The following ZC3H12B variants were observed in gnomAD, a reference collection of about 807,000 sequenced individuals.
ZC3H12B encodes probable ribonuclease ZC3H12B.
In ZC3H12B, 7 loss-of-function variants were observed where a neutral mutation model predicts 43.9. The ratio of observed to expected loss-of-function variants is 0.16; its 90% CI spans 0.09 to 0.30. The LOEUF (loss-of-function observed/expected upper bound fraction) is 0.30. Ranked by LOEUF, ZC3H12B falls within the 10% of genes least tolerant of loss-of-function variation. The pLI is 1.00. For synonymous variants in ZC3H12B, 222 were observed against 241.7 expected, an observed-to-expected ratio of 0.92 and a Z score of 0.76; for missense variants, 475 against 670.2, an observed-to-expected ratio of 0.71 and a Z score of 3.22.
chrX:65,392,591 G>T (rs1286376576), intron 2 of ZC3H12B, among the ~76,000 whole-genome samples: 1 of 110,804 alleles, frequency 9.0e-6, no homozygotes, highest in Non-Finnish European at 1.9e-5. Flanking sequence ...TCTGGGAGGT[G>T]GGTGGTGCCC....
At chrX:65,471,946 G>A (rs768539779) in intron 3 of ZC3H12B, among the ~76,000 whole-genome samples, 2 of 111,500 alleles carry the variant, frequency 1.8e-5, no homozygotes, top group South Asian at 7.5e-4. Flanking sequence ...GTATCCTGGC[G>A]CATATCTATC....
chrX:65,407,206 A>C (rs1398299398), intron 3 of ZC3H12B, among the ~76,000 whole-genome samples: 1 of 112,761 alleles, frequency 8.9e-6, no homozygotes, highest in Non-Finnish European at 1.9e-5. Flanking sequence ...AAGGGTCCGG[A>C]GCGGCCGGGC....
chrX:65,330,043 G>A, the ZC3H12B span, among the ~76,000 whole-genome samples: 1 of 111,405 alleles, frequency 9.0e-6, no homozygotes, highest in Non-Finnish European at 1.9e-5. Context: ...CTCTTTTTTG[G>A]TTCCATATGA....
At chrX:65,280,085 G>A in the ZC3H12B span, among the ~76,000 whole-genome samples, 3 of 111,690 alleles carry the variant, frequency 2.7e-5, no homozygotes, top group African/African-American at 6.5e-5. Flanking sequence ...CCAAAAGCAA[G>A]CAAGGACACA....
At chrX:65,209,981 G>A in the ZC3H12B span, among the ~76,000 whole-genome samples, 12 of 79,659 alleles carry the variant, frequency 1.5e-4, no homozygotes, top group Non-Finnish European at 2.5e-4. Context: ...GAAAACCTAG[G>A]CATTACCATT....
At chrX:65,118,637 T>A in the ZC3H12B span, among the ~76,000 whole-genome samples, 1 of 111,178 alleles carries the variant, frequency 9.0e-6, no homozygotes, top group African/African-American at 3.3e-5. Flanking sequence ...ACCTGTCTTG[T>A]GACAGTTTTC....
the ZC3H12B span, among the ~76,000 whole-genome samples, chrX:65,100,859 A>G: frequency 9.0e-6 from 1 of 111,252 alleles, no homozygotes; most frequent in Non-Finnish European, 1.9e-5. Context: ...TAACAAGGCT[A>G]TTCAGGACTT....
At chrX:65,431,924 A>G (rs2067166109) in intron 3 of ZC3H12B, among the ~76,000 whole-genome samples, 1 of 112,130 alleles carries the variant, frequency 8.9e-6, no homozygotes, top group Non-Finnish European at 1.9e-5. Context: ...TGTTCCAGAA[A>G]TGGGCTGTTA....
the ZC3H12B span, among the ~76,000 whole-genome samples, chrX:65,298,943 AACTC>A: frequency 4.5e-5 from 5 of 111,441 alleles, no homozygotes; most frequent in African/African-American, 1.6e-4. Context: ...ATCTCATGAG[AACTC>A]ACTCACTGTC....
At chrX:65,295,821 C>T in the ZC3H12B span, among the ~76,000 whole-genome samples, 3 of 110,969 alleles carry the variant, frequency 2.7e-5, no homozygotes, top group Non-Finnish European at 5.7e-5. Flanking sequence ...AGATAAATTC[C>T]TGGAAATATA....
chrX:65,440,515 G>C (rs552276917), intron 3 of ZC3H12B, among the ~76,000 whole-genome samples: 3 of 112,293 alleles, frequency 2.7e-5, no homozygotes, highest in African/African-American at 9.7e-5. Context: ...TTTTGATCCA[G>C]AATAAGAAGC....
At chrX:65,121,979 A>G in the ZC3H12B span, among the ~76,000 whole-genome samples, 2 of 111,022 alleles carry the variant, frequency 1.8e-5, no homozygotes, top group African/African-American at 6.5e-5. Flanking sequence ...CTTAATCCTG[A>G]GTTCTAGTTT....
chrX:65,256,863 C>T, the ZC3H12B span, among the ~76,000 whole-genome samples: 1 of 112,246 alleles, frequency 8.9e-6, no homozygotes, highest in East Asian at 2.8e-4. Context: ...TGCTCATCAT[C>T]ACTGGCCATC....
chrX:65,123,937 C>T, the ZC3H12B span, among the ~76,000 whole-genome samples: 1 of 110,470 alleles, frequency 9.1e-6, no homozygotes, highest in Non-Finnish European at 1.9e-5. Context: ...CATCAGCAAG[C>T]AGTGACAGTT....
At chrX:65,281,931 C>T in the ZC3H12B span, among the ~76,000 whole-genome samples, 5 of 111,360 alleles carry the variant, frequency 4.5e-5, no homozygotes, top group African/African-American at 1.6e-4. Flanking sequence ...GATATTTATC[C>T]CTAGGACGCA....
the ZC3H12B span, among the ~76,000 whole-genome samples, chrX:65,188,940 TC>T: frequency 1.9e-5 from 1 of 51,741 alleles, no homozygotes; most frequent in Non-Finnish European, 3.4e-5. Context: ...ATGCTATCCC[TC>T]CCCCCTCCCC....
intron 2 of ZC3H12B, among the ~76,000 whole-genome samples, chrX:65,381,505 A>G (rs759474200): frequency 1.8e-5 from 2 of 111,821 alleles, no homozygotes; most frequent in African/African-American, 3.3e-5. Flanking sequence ...AAAGCAGGAA[A>G]GATCCAAAAT....
the ZC3H12B span, among the ~76,000 whole-genome samples, chrX:65,355,169 C>T: frequency 9.0e-6 from 1 of 110,904 alleles, no homozygotes; most frequent in South Asian, 3.9e-4. Context: ...GTCAGATTCA[C>T]CAAGGTTGAA....
At chrX:65,152,470 C>A in the ZC3H12B span, among the ~76,000 whole-genome samples, 1 of 111,266 alleles carries the variant, frequency 9.0e-6, no homozygotes, top group African/African-American at 3.3e-5. Flanking sequence ...AGTGAACTCC[C>A]ATTCACAACT....
Sources: allele counts gnomAD v4.1 joint callset (sites outside exome capture counted in the v4.1 genomes callset), GRCh38; gene constraint gnomAD v4.1.1; transcripts MANE v1.5; gene names NCBI Gene and HGNC (gene_info 2026-07-23, HGNC 2026-07-21).